Variants in ECSIT observed in about 807,000 individuals in gnomAD.
ECSIT encodes evolutionarily conserved signaling intermediate in Toll pathway, mitochondrial.
ECSIT carries 29 observed loss-of-function variants against 36.8 expected under a neutral mutation model. The observed-to-expected ratio is 0.79, with a 90% CI of 0.59 to 1.08. ECSIT has a LOEUF of 1.08. Ranked by LOEUF, ECSIT falls within the 50% of genes least tolerant of loss-of-function variation. The pLI is 0.00. For missense variants in ECSIT, 542 were observed against 581.0 expected, an observed-to-expected ratio of 0.93 and a Z score of 0.69; for synonymous variants, 231 against 234.8, an observed-to-expected ratio of 0.98 and a Z score of 0.15.
At chr19:11,516,634 G>C (rs563534594) in intron 2 of ECSIT, among the ~76,000 whole-genome samples, 2 of 151,930 alleles carry the variant, frequency 1.3e-5, no homozygotes, top group African/African-American at 4.8e-5. Flanking sequence ...ACCTGAACGA[G>C]AGAGTAAAAC....
intron 7 of ECSIT, 101 bp from the exon 8 acceptor site, chr19:11,506,529 C>CT (rs71166605): frequency 0.099 from 66,438 of 670,832 alleles, 513 homozygotes; most frequent in African/African-American, 0.13. Flanking sequence ...CTTCCACTTC[C>CT]TTTTTTTTTT....
chr19:11,505,956 C>CT lies in ECSIT; in HGVS notation c.*227dup, dbSNP rs1418390885. On this transcript the variant is annotated 3_prime_UTR_variant, in exon 8 of 8. Coordinates refer to ENST00000270517, the MANE Select transcript of ECSIT (RefSeq NM_016581.5). Reference sequence around the variant, plus strand: ...CGCACAACCAACAGCGCTCCCGCCCCTTTTTATTTGAATTCGGAGAACCAG... The same window carrying CT: ...CGCACAACCAACAGCGCTCCCGCCCCTTTTTTATTTGAATTCGGAGAACCAG... The CT allele has an allele frequency of 2.1e-6, 2 of 933,342 alleles. No individual in the cohort carries two copies. Among genetic ancestry groups the CT allele is most frequent in the Admixed American group, 6.4e-5 (2 of 31,480 alleles). 57.8% of individuals were successfully genotyped at this position (933,342 alleles called of 1,614,324 possible).
At chr19:11,522,670 G>A (rs1265098611) in intron 1 of ECSIT, among the ~76,000 whole-genome samples, 12 of 151,750 alleles carry the variant, frequency 7.9e-5, no homozygotes, top group African/African-American at 1.9e-4. Context: ...CTGAGATCGC[G>A]CCACTGCACT....
At chr19:11,521,683 G>A (rs1972107542) in intron 1 of ECSIT, among the ~76,000 whole-genome samples, 1 of 152,128 alleles carries the variant, frequency 6.6e-6, no homozygotes, top group Non-Finnish European at 1.5e-5. Flanking sequence ...GGCGGAGGCA[G>A]GAGAATCACT....
intron 2 of ECSIT, among the ~76,000 whole-genome samples, chr19:11,518,244 T>C (rs1237556497): frequency 6.6e-6 from 1 of 151,748 alleles, no homozygotes; most frequent in Non-Finnish European, 1.5e-5. Flanking sequence ...CTCGCCAACA[T>C]GGCAAAACCG....
chr19:11,527,346 A>T (rs1972236752), intron 1 of ECSIT, among the ~76,000 whole-genome samples: 1 of 151,978 alleles, frequency 6.6e-6, no homozygotes, highest in Non-Finnish European at 1.5e-5. Context: ...AATCAACTAA[A>T]ATTAGTGATT....
chr19:11,520,325 C>A (rs1225024432), intron 1 of ECSIT, among the ~76,000 whole-genome samples: 1 of 152,024 alleles, frequency 6.6e-6, no homozygotes, highest in Non-Finnish European at 1.5e-5. Context: ...GTACATGCCA[C>A]CACGCCCGGC....
intron 1 of ECSIT, among the ~76,000 whole-genome samples, chr19:11,528,059 T>C (rs1384087102): frequency 6.6e-6 from 1 of 152,214 alleles, no homozygotes; most frequent in East Asian, 1.9e-4. Flanking sequence ...ACTCAACTCC[T>C]ACCACTGGCA....
Position 11,513,942 on chromosome 19 carries a change from G to A in ECSIT, c.376C>T (p.Leu126=), listed in dbSNP as rs962510382. 6.2e-7 allele frequency: 1 copy of A among 1,614,232 alleles called. No homozygotes were observed. Among genetic ancestry groups the A allele is most frequent in the African/African-American group, 1.3e-5 (1 of 75,068 alleles). The change falls in exon 3 of 8, where the codon CTG becomes TTG. Residue 126 remains leucine, a synonymous_variant. Coordinates refer to ENST00000270517, the MANE Select transcript of ECSIT (RefSeq NM_016581.5). The part of the protein sequence containing the change: ...KMREYGVERD[L]AVYNQLLNIF... The stretch of plus-strand genomic sequence containing the variant: ...TTGAGCAGCTGGTTGTACACAGCCA[G>A]GTCCCGCTCGACACCATACTCCCGC...
rs751765573 is a variant in ECSIT at position 11,514,117 on chromosome 19, C to CT, written c.200dup (p.Ala68GlyfsTer6). ...ACAGGTCCTCAAAGGGCACCAGAGC[C>CT]TTGGTGGGCCTCTGCCGGGGTTCCG... On this transcript the variant is annotated frameshift_variant, in exon 3 of 8. Transcript: ENST00000270517. LOFTEE classifies it high-confidence loss of function. 2.4e-5 allele frequency: 39 copies of CT among 1,613,968 alleles called. No individual in the cohort carries two copies. The highest frequency in any genetic ancestry group is 3.1e-5 in the Non-Finnish European group (37 of 1,179,956).
At chr19:11,520,117 C>A (rs1186949625) in intron 1 of ECSIT, among the ~76,000 whole-genome samples, 2 of 152,080 alleles carry the variant, frequency 1.3e-5, no homozygotes, top group African/African-American at 4.8e-5. Context: ...CAAATGGAAT[C>A]TGGAATCACA....
At chr19:11,508,857 T>C (rs1971812850) in intron 4 of ECSIT, among the ~76,000 whole-genome samples, 1 of 152,020 alleles carries the variant, frequency 6.6e-6, no homozygotes, top group Non-Finnish European at 1.5e-5. Flanking sequence ...TGGGTGGTTG[T>C]AAAATATGTA....
chr19:11,513,961 C>T lies in ECSIT; in HGVS notation c.357G>A (p.Glu119=), dbSNP rs377094929. The change falls in exon 3 of 8, where the codon GAG becomes GAA. Residue 119 remains glutamate (E), a synonymous_variant. Coordinates refer to ENST00000270517, the MANE Select transcript of ECSIT (RefSeq NM_016581.5). The part of the protein sequence containing the change: ...FIYLALRKMR[E]YGVERDLAVY... ...CAGCCAGGTCCCGCTCGACACCATA[C>T]TCCCGCATCTTGCGCAGGGCCAGGT... 6.2e-7 allele frequency: 1 copy of T among 1,614,240 alleles called. No individual in the cohort carries two copies. The highest frequency in any genetic ancestry group is 8.5e-7 in the Non-Finnish European group (1 of 1,180,044).
chr19:11,506,020 C>T lies in ECSIT; in HGVS notation c.*164G>A, dbSNP rs1446414925. On this transcript the variant is annotated 3_prime_UTR_variant, in exon 8 of 8. Coordinates refer to ENST00000270517, the MANE Select transcript of ECSIT (RefSeq NM_016581.5). ...TTCTGGAGGGGTCTCGCCTGCCCAT[C>T]GCTGGCAGCCCGAGATCCTGGGGAG... 1 of 1,254,300 alleles carries T rather than the reference C, an allele frequency of 8.0e-7. No homozygotes were observed. Among genetic ancestry groups the T allele is most frequent in the East Asian group, 2.4e-5 (1 of 42,396 alleles). The allele number at this position is 1,254,300 out of a possible 1,614,324, so 77.7% of individuals were successfully genotyped here.
Position 11,519,215 on chromosome 19 carries a change from C to T in ECSIT, c.-23-22G>A. ...TCACCTGGCCCAAAAGAAGATTCAG[C>T]ATTAGCCTGGCACCTTACAGATGCT... is the stretch of plus-strand genomic sequence containing the variant. On this transcript the variant is annotated intron_variant, in intron 1 of 7. Coordinates refer to ENST00000270517, the MANE Select transcript of ECSIT (RefSeq NM_016581.5). The surrounding 1 kb of genome is among the most constrained non-coding windows in gnomAD (Gnocchi z 4.4). 16 of 1,497,986 alleles carry T rather than the reference C, an allele frequency of 1.1e-5. No individual in the cohort carries two copies. The highest frequency in any genetic ancestry group is 1.4e-5 in the Non-Finnish European group (16 of 1,104,182). 92.8% of individuals were successfully genotyped at this position (1,497,986 alleles called of 1,614,324 possible). A position where few individuals can be genotyped will look rare whatever the true frequency, so the allele number is the denominator to read the frequency against.
chr19:11,507,060 G>A (rs1971759611), intron 7 of ECSIT, among the ~76,000 whole-genome samples: 1 of 152,180 alleles, frequency 6.6e-6, no homozygotes, highest in South Asian at 2.1e-4. Context: ...GTGACACCCA[G>A]TAGCCAGCAC....
At chr19:11,524,884 A>T (rs1972181982) in intron 1 of ECSIT, among the ~76,000 whole-genome samples, 1 of 152,196 alleles carries the variant, frequency 6.6e-6, no homozygotes, top group Admixed American at 6.6e-5. Context: ...CATGCCTGTA[A>T]TCCCAGCAAT....
chr19:11,520,790 C>T (rs1037088159), intron 1 of ECSIT, among the ~76,000 whole-genome samples: 1 of 150,594 alleles, frequency 6.6e-6, no homozygotes, highest in Non-Finnish European at 1.5e-5. Flanking sequence ...GGATTATAGT[C>T]GTGAGCCACC....
At chr19:11,523,071 G>C (rs1972140801) in intron 1 of ECSIT, among the ~76,000 whole-genome samples, 1 of 151,884 alleles carries the variant, frequency 6.6e-6, no homozygotes, top group Non-Finnish European at 1.5e-5. Flanking sequence ...AGAAAAAAAA[G>C]TTACAGCTGA....
Sources: gnomAD v4.1 joint callset for allele counts (sites outside exome capture counted in the v4.1 genomes callset) on GRCh38, gnomAD v4.1.1 for gene constraint, Gnocchi (gnomAD v3.1) non-coding constraint, MANE v1.5 for transcripts, NCBI Gene and HGNC (gene_info 2026-07-23, HGNC 2026-07-21) for gene names.